NSD1: variants seen among roughly 807,000 people sequenced by gnomAD.
NSD1 encodes the protein nuclear receptor binding SET domain protein 1.
NSD1 carries 26 observed loss-of-function variants against 242.7 expected under a neutral mutation model. That is an observed-to-expected ratio of 0.11 (90% confidence interval 0.08 to 0.15). The LOEUF is 0.15. Among genes scored for constraint, NSD1 ranks in the 10% least tolerant of loss-of-function variants. The pLI, the probability that NSD1 is intolerant of heterozygous loss-of-function variation, is 1.00. For synonymous variants in NSD1, 1,106 were observed against 1,178.1 expected, an observed-to-expected ratio of 0.94 and a Z score of 1.25; for missense variants, 2,495 against 3,272.8, an observed-to-expected ratio of 0.76 and a Z score of 5.80.
At chr5:177,256,261 A>ATACTGCC (rs1248878435) in intron 12 of NSD1, among the ~76,000 whole-genome samples, 2 of 147,580 alleles carry the variant, frequency 1.4e-5, no homozygotes, top group Non-Finnish European at 3.0e-5. Context: ...ATCTTTAACA[A>ATACTGCC]TACTGCCCCC....
At chr5:177,252,235 T>C (rs896069017) in intron 12 of NSD1, among the ~76,000 whole-genome samples, 2 of 152,164 alleles carry the variant, frequency 1.3e-5, no homozygotes, top group African/African-American at 2.4e-5. Context: ...CCAATGTGTT[T>C]ATAGAGTTTA....
At chr5:177,185,788 A>AT (rs1761085998) in intron 2 of NSD1, among the ~76,000 whole-genome samples, 2 of 20,924 alleles carry the variant, frequency 9.6e-5, no homozygotes, top group African/African-American at 7.9e-4. Context: ...ATATATGTAT[A>AT]TTATATATAT....
At chr5:177,154,038 T>A (rs373192454) in intron 2 of NSD1, among the ~76,000 whole-genome samples, 2 of 152,122 alleles carry the variant, frequency 1.3e-5, no homozygotes, top group African/African-American at 2.4e-5. Context: ...ACAGTCAAGA[T>A]GTCTGCCAGG....
chr5:177,230,275 A>G (rs1228547210), intron 5 of NSD1, among the ~76,000 whole-genome samples: 2 of 152,070 alleles, frequency 1.3e-5, no homozygotes, highest in Admixed American at 1.3e-4. Flanking sequence ...ATTTAGGGAA[A>G]GAGTTGGTAG....
intron 2 of NSD1, among the ~76,000 whole-genome samples, chr5:177,185,608 A>G (rs1189212966): frequency 7.0e-6 from 1 of 142,432 alleles, no homozygotes; most frequent in Non-Finnish European, 1.5e-5. Flanking sequence ...AAAAAACAAA[A>G]CCAAATATAT....
chr5:177,138,430 A>G (rs2149760144), intron 2 of NSD1, among the ~76,000 whole-genome samples: 1 of 151,446 alleles, frequency 6.6e-6, no homozygotes, highest in East Asian at 2.0e-4. Context: ...TACTTTTTGT[A>G]TTTTTATTAG....
intron 10 of NSD1, among the ~76,000 whole-genome samples, chr5:177,247,060 T>C (rs1459115295): frequency 1.3e-5 from 2 of 152,240 alleles, no homozygotes; most frequent in Non-Finnish European, 2.9e-5. Context: ...GTTTCATCGT[T>C]AAGTAAACTT....
At chr5:177,241,510 A>C (rs550938558) in intron 8 of NSD1, among the ~76,000 whole-genome samples, 2 of 149,792 alleles carry the variant, frequency 1.3e-5, no homozygotes, top group Admixed American at 6.7e-5. Flanking sequence ...CTCTCTCTCA[A>C]AAAAAAAAAG....
chr5:177,290,888 A>G (rs1044442176), intron 21 of NSD1, among the ~76,000 whole-genome samples: 5 of 152,242 alleles, frequency 3.3e-5, no homozygotes, highest in African/African-American at 4.8e-5. Context: ...ACCTGTACTT[A>G]ATGGTATTAA....
intron 5 of NSD1, among the ~76,000 whole-genome samples, chr5:177,214,146 AC>A (rs1763582636): frequency 6.6e-6 from 1 of 152,114 alleles, no homozygotes; most frequent in African/African-American, 2.4e-5. Context: ...AGCCTGGCCA[AC>A]ATGGCAAAAC....
chr5:177,279,549 A>G (rs1758673004), intron 17 of NSD1, among the ~76,000 whole-genome samples: 1 of 150,590 alleles, frequency 6.6e-6, no homozygotes, highest in Non-Finnish European at 1.5e-5. Flanking sequence ...CAAATGTGAC[A>G]CCAACATGTG....
At chr5:177,272,677 C>T (rs1758037131) in intron 16 of NSD1, among the ~76,000 whole-genome samples, 1 of 152,056 alleles carries the variant, frequency 6.6e-6, no homozygotes, top group African/African-American at 2.4e-5. Flanking sequence ...ATACCTTGAC[C>T]TTAGGAGTTT....
chr5:177,165,941 G>A (rs933745219), intron 2 of NSD1, among the ~76,000 whole-genome samples: 7 of 137,076 alleles, frequency 5.1e-5, no homozygotes, highest in African/African-American at 1.2e-4. Flanking sequence ...ATGGAGTCTC[G>A]CTCTGTCACC....
chr5:177,174,379 A>T (rs553751659), intron 2 of NSD1, among the ~76,000 whole-genome samples: 1 of 151,810 alleles, frequency 6.6e-6, no homozygotes, highest in East Asian at 2.0e-4. Context: ...TGCCAAGCTA[A>T]TTTTTGTGGT....
chr5:177,158,565 T>C (rs891160180), intron 2 of NSD1, among the ~76,000 whole-genome samples: 4 of 152,032 alleles, frequency 2.6e-5, no homozygotes, highest in East Asian at 1.9e-4. Flanking sequence ...CTTGAACTCC[T>C]GACCTCAGGT....
chr5:177,204,844 T>G (rs1482556615), intron 4 of NSD1, among the ~76,000 whole-genome samples: 1 of 152,186 alleles, frequency 6.6e-6, no homozygotes, highest in African/African-American at 2.4e-5. Context: ...GTGACATATT[T>G]ATACTAAATT....
chr5:177,246,712 A>G lies in NSD1; in HGVS notation c.4413A>G (p.Arg1471=). The change falls in exon 10 of 23, where the codon CGA becomes CGG. Residue 1471 remains arginine (R), a synonymous_variant. Coordinates refer to ENST00000439151, the MANE Select transcript of NSD1 (RefSeq NM_022455.5). Reference sequence around the variant, plus strand: ...AGATATTTGACAAGCCAAGGAAGCGAAAACGACAGAGGCATGCTGCAGCCA... The same window carrying G: ...AGATATTTGACAAGCCAAGGAAGCGGAAACGACAGAGGCATGCTGCAGCCA... ...TTKIFDKPRK[R]KRQRHAAAKM... The G allele has an allele frequency of 6.2e-7, 1 of 1,614,168 alleles. No homozygotes were observed. The highest frequency in any genetic ancestry group is 8.5e-7 in the Non-Finnish European group (1 of 1,179,992).
At chr5:177,185,804 TATAA>T (rs1408977045) in intron 2 of NSD1, among the ~76,000 whole-genome samples, 1 of 88,974 alleles carries the variant, frequency 1.1e-5, no homozygotes. Context: ...TATATATATA[TATAA>T]ATTTATATAT....
rs1756517244 is a variant in NSD1, at chr5:177,256,948, C to T, written c.4766-3C>T. On this transcript the variant is annotated splice_region_variant and splice_polypyrimidine_tract_variant and intron_variant, in intron 12 of 22. Coordinates refer to ENST00000439151, the MANE Select transcript of NSD1 (RefSeq NM_022455.5). ...ACTAATTTATCTTCTTTTGGCTTCT[C>T]AGGAATCCATACCTGTTTTGTATGT... 1 of 1,612,756 alleles carries T rather than the reference C, an allele frequency of 6.2e-7. No individual in the cohort carries two copies. The highest frequency in any genetic ancestry group is 8.5e-7 in the Non-Finnish European group (1 of 1,178,740).
Sources: gnomAD v4.1 joint callset for allele counts (sites outside exome capture counted in the v4.1 genomes callset) on GRCh38, gnomAD v4.1.1 for gene constraint, MANE v1.5 for transcripts, NCBI Gene and HGNC (gene_info 2026-07-23, HGNC 2026-07-21) for gene names.